The following INPP4B variants were observed in gnomAD, a reference collection of about 807,000 sequenced individuals.
The protein encoded by INPP4B is inositol polyphosphate-4-phosphatase type II B.
In INPP4B, 55 loss-of-function variants were observed where a neutral mutation model predicts 122.5. The ratio of observed to expected loss-of-function variants is 0.45; its 90% CI spans 0.36 to 0.56. The LOEUF is 0.56. INPP4B is among the 20% of genes least tolerant of loss of function. The probability of loss-of-function intolerance (pLI) is 0.00; values close to 1 mark genes in which losing one functional copy is unlikely to be tolerated. For synonymous variants in INPP4B, 403 were observed against 388.7 expected (o/e 1.04, Z -0.43); for missense variants, 1,000 against 1,097.7 (o/e 0.91, Z 1.26).
intron 2 of INPP4B, among the ~76,000 whole-genome samples, chr4:142,595,865 A>G (rs1738582489): frequency 6.6e-6 from 1 of 151,832 alleles, no homozygotes; most frequent in Admixed American, 6.6e-5. Flanking sequence ...TTATTTATTT[A>G]TTTTTATTTT....
chr4:142,742,346 T>C (rs75384311), intron 1 of INPP4B, among the ~76,000 whole-genome samples: 4,131 of 152,162 alleles, frequency 0.027, 77 homozygotes, highest in Middle Eastern at 0.095. Context: ...AGTTGCATTT[T>C]TAACTTGCAA....
intron 2 of INPP4B, chr4:142,583,636 T>C (rs1735572197): frequency 6.6e-6 from 1 of 152,142 alleles, no homozygotes; most frequent in Admixed American, 6.6e-5. Flanking sequence ...GGGTGCAATA[T>C]ACAAACAGCG....
At chr4:142,563,953 A>G (rs1322024537) in intron 2 of INPP4B, among the ~76,000 whole-genome samples, 1 of 152,156 alleles carries the variant, frequency 6.6e-6, no homozygotes, top group East Asian at 1.9e-4. Flanking sequence ...AATTGTATCA[A>G]CAGAAGAACT....
chr4:142,347,641 T>A (rs1296503352), intron 7 of INPP4B: 3 of 338,590 alleles, frequency 8.9e-6, no homozygotes, highest in African/African-American at 4.4e-5. Flanking sequence ...TAAAAATAGT[T>A]TAAAAATTCA....
intron 18 of INPP4B, among the ~76,000 whole-genome samples, chr4:142,136,757 G>C (rs1804546362): frequency 6.6e-6 from 1 of 152,190 alleles, no homozygotes. Context: ...TTGTAAAAGA[G>C]GGAGAAAGCT....
chr4:142,520,118 GT>G (rs1341359947), intron 2 of INPP4B, among the ~76,000 whole-genome samples: 4 of 151,948 alleles, frequency 2.6e-5, no homozygotes, highest in Non-Finnish European at 4.4e-5. Context: ...AAGCACAGAT[GT>G]TTTCTTTTGT....
chr4:142,253,928 G>A (rs1433343460), intron 11 of INPP4B, among the ~76,000 whole-genome samples: 1 of 152,188 alleles, frequency 6.6e-6, no homozygotes, highest in Non-Finnish European at 1.5e-5. Context: ...AAAGACAGCA[G>A]TAACCTCTTC....
chr4:142,811,199 T>C (rs1779477527), intron 1 of INPP4B, among the ~76,000 whole-genome samples: 2 of 152,190 alleles, frequency 1.3e-5, no homozygotes, highest in African/African-American at 4.8e-5. Flanking sequence ...ATATATATGC[T>C]CAGCACACCA....
At chr4:142,289,858 T>G (rs1305875559) in intron 9 of INPP4B, among the ~76,000 whole-genome samples, 1 of 152,192 alleles carries the variant, frequency 6.6e-6, no homozygotes, top group African/African-American at 2.4e-5. Flanking sequence ...GTTTCCTCCC[T>G]TTCTCTGAAA....
rs933692769 is a variant in INPP4B at position 142,026,552 on chromosome 4, C to A, written c.*2230G>T. ...CATGATCTCAGCTCACTGCAACCTC[C>A]GCCTCCGGGGTTCAAGCGATTCTCT... On this transcript the variant is annotated 3_prime_UTR_variant, in exon 26 of 26. Transcript: ENST00000262992. The A allele has an allele frequency of 6.6e-6, 1 of 152,364 alleles. No homozygotes were observed. The highest frequency in any genetic ancestry group is 1.5e-5 in the Non-Finnish European group (1 of 68,196). The allele number at this position is 152,364 out of a possible 1,614,324, so 9.4% of individuals were successfully genotyped here.
chr4:142,217,020 G>A (rs954802917), intron 12 of INPP4B, among the ~76,000 whole-genome samples: 4 of 152,114 alleles, frequency 2.6e-5, no homozygotes, highest in African/African-American at 4.8e-5. Context: ...AAATTAGGGC[G>A]AGTAAATGAA....
At chr4:142,492,605 A>T (rs1431816241) in intron 2 of INPP4B, among the ~76,000 whole-genome samples, 3 of 152,158 alleles carry the variant, frequency 2.0e-5, no homozygotes, top group African/African-American at 7.2e-5. Flanking sequence ...CACTCTTGCT[A>T]TGCAAAGAGA....
intron 18 of INPP4B, among the ~76,000 whole-genome samples, chr4:142,127,739 C>T (rs1579003169): frequency 6.6e-6 from 1 of 152,164 alleles, no homozygotes; most frequent in Non-Finnish European, 1.5e-5. Flanking sequence ...AGTAGTAAGC[C>T]TTCTATGGAG....
At chr4:142,143,762 G>A (rs1306835366) in intron 18 of INPP4B, among the ~76,000 whole-genome samples, 1 of 151,954 alleles carries the variant, frequency 6.6e-6, no homozygotes, top group Non-Finnish European at 1.5e-5. Flanking sequence ...ATGCTTATAT[G>A]TTAATTACAG....
intron 3 of INPP4B, among the ~76,000 whole-genome samples, chr4:142,454,098 AAAC>A (rs752796254): frequency 9.9e-5 from 15 of 152,228 alleles, no homozygotes; most frequent in Admixed American, 9.2e-4. Flanking sequence ...ACACTGAAAA[AAAC>A]AACATGTGTA....
chr4:142,500,040 A>G lies in INPP4B; in HGVS notation c.-190-37314T>C, dbSNP rs868152776. On this transcript the variant is annotated intron_variant, in intron 2 of 25. Coordinates refer to ENST00000262992, the MANE Select transcript of INPP4B (RefSeq NM_001101669.3). Reference sequence around the variant, plus strand: ...TCTAAAAGTACACCAAAATAAATCCAGGAGCTCCCTTTTCCTCCACAACAA... The same window carrying G: ...TCTAAAAGTACACCAAAATAAATCCGGGAGCTCCCTTTTCCTCCACAACAA... 2.6e-5 allele frequency among the ~76,000 whole-genome samples: 4 copies of G among 152,266 alleles called. No homozygotes were observed. In the South Asian group the frequency reaches 8.3e-4, roughly 32 times the overall value.
intron 3 of INPP4B, among the ~76,000 whole-genome samples, chr4:142,451,315 A>G (rs1439771344): frequency 7.5e-6 from 1 of 132,832 alleles, no homozygotes; most frequent in African/African-American, 2.9e-5. Context: ...CAGTGGCATG[A>G]TCACGACTCA....
intron 1 of INPP4B, among the ~76,000 whole-genome samples, chr4:142,766,328 A>G (rs1772117757): frequency 6.6e-6 from 1 of 152,090 alleles, no homozygotes; most frequent in South Asian, 2.1e-4. Context: ...ACCTGGACTC[A>G]TTAAATAATT....
At chr4:142,415,909 A>C (rs1805629246) in intron 5 of INPP4B, among the ~76,000 whole-genome samples, 1 of 151,954 alleles carries the variant, frequency 6.6e-6, no homozygotes, top group Non-Finnish European at 1.5e-5. Context: ...AAGGACAAAA[A>C]ACCGAACACC....
Sources: gnomAD v4.1 joint callset for allele counts (sites outside exome capture counted in the v4.1 genomes callset) on GRCh38, gnomAD v4.1.1 for gene constraint, MANE v1.5 for transcripts, NCBI Gene and HGNC (gene_info 2026-07-23, HGNC 2026-07-21) for gene names.